Variants in HINFP observed in about 807,000 individuals in gnomAD.
HINFP encodes MBD2 (methyl-CpG-binding protein)-interacting zinc finger protein.
A neutral mutation model predicts 50.1 loss-of-function variants in HINFP; 20 were observed. The ratio of observed to expected loss-of-function variants is 0.40; its 90% CI spans 0.28 to 0.58. The LOEUF is 0.58. HINFP is among the 20% of genes least tolerant of loss of function. The pLI is 0.45. For missense variants in HINFP, 505 were observed against 664.1 expected, an observed-to-expected ratio of 0.76 and a Z score of 2.63; for synonymous variants, 247 against 243.7, an observed-to-expected ratio of 1.01 and a Z score of -0.13.
chr11:119,130,685 G>A (rs1947700987), intron 2 of HINFP, 40 bp from the exon 3 acceptor site: 1 of 1,576,004 alleles, frequency 6.3e-7, no homozygotes, highest in Admixed American at 1.7e-5. Flanking sequence ...CCTGAGCCTT[G>A]GAAAGTGTCA....
At chr11:119,129,490 C>CTTTTCTTTTTTT (rs1555213902) in intron 2 of HINFP, among the ~76,000 whole-genome samples, 2 of 124,190 alleles carry the variant, frequency 1.6e-5, no homozygotes, top group African/African-American at 6.1e-5. Context: ...TTTTTCTTTT[C>CTTTTCTTTTTTT]TTTTTTTTTT....
At position 119,129,490 on chromosome 11, in the gene HINFP, C is replaced by CTTTTT. The variant is rs59395600; in HGVS notation, c.182-1224_182-1220dup. 8.9e-5 allele frequency among the ~76,000 whole-genome samples: 11 copies of CTTTTT among 124,180 alleles called. 1 individual carries two copies. In the South Asian group the frequency reaches 1.4e-3, roughly 16 times the overall value. 81.5% of individuals were successfully genotyped at this position (124,180 alleles called of 152,430 possible). ...TCTGGCAGGAATACATTTTTCTTTT[C>CTTTTT]TTTTTTTTTTTTTTTGTGGGAGTGC... is the stretch of plus-strand genomic sequence containing the variant. On this transcript the variant is annotated intron_variant, in intron 2 of 9. Coordinates refer to ENST00000350777, the MANE Select transcript of HINFP (RefSeq NM_198971.3).
Position 119,131,110 on chromosome 11 carries a change from A to G in HINFP, c.411+156A>G. On this transcript the variant is annotated intron_variant, in intron 3 of 9. Transcript: ENST00000350777. The surrounding 1 kb of genome is among the most constrained non-coding windows in gnomAD (Gnocchi z 4.2). Reference sequence around the variant, plus strand: ...TTTAAAATTTGTTTATTTTTTACACACAGGCTCTTGATCTGAAGCCCAGGC... The same window carrying G: ...TTTAAAATTTGTTTATTTTTTACACGCAGGCTCTTGATCTGAAGCCCAGGC... The G allele has an allele frequency of 1.3e-6, 1 of 742,194 alleles. No homozygotes were observed. Among genetic ancestry groups the G allele is most frequent in the South Asian group, 1.5e-5 (1 of 67,588 alleles). 46.0% of individuals were successfully genotyped at this position (742,194 alleles called of 1,614,324 possible). A position where few individuals can be genotyped will look rare whatever the true frequency, so the allele number is the denominator to read the frequency against.
At chr11:119,124,824 AT>A (rs1225939505) in intron 1 of HINFP, 1 of 151,732 alleles carries the variant, frequency 6.6e-6, no homozygotes. Flanking sequence ...AAATACAAAA[AT>A]TAGCCAGGCG....
chr11:119,133,292 T>C (rs1160285836), intron 9 of HINFP, 73 bp downstream of exon 9: 10 of 1,582,086 alleles, frequency 6.3e-6, no homozygotes, highest in Non-Finnish European at 8.6e-6. Context: ...TTAAAAACCT[T>C]AATTTGGGTC....
rs1947737407 is a variant in HINFP, at chr11:119,131,260, T to C, written c.412-275T>C. 1 of 568,780 alleles carries C rather than the reference T, an allele frequency of 1.8e-6. No individual in the cohort carries two copies. Among genetic ancestry groups the C allele is most frequent in the Non-Finnish European group, 3.2e-6 (1 of 314,212 alleles). 35.2% of individuals were successfully genotyped at this position (568,780 alleles called of 1,614,324 possible). ...TGTACCACCATGCCCTGCTAACTTC[T>C]AAATTTTTTGTAGAGACAAGGTCTG... On this transcript the variant is annotated intron_variant, in intron 3 of 9. Transcript: ENST00000350777. The surrounding 1 kb of genome is among the most constrained non-coding windows in gnomAD (Gnocchi z 4.2).
In HINFP at chr11:119,135,497, G is replaced by T. The variant is rs752556495; in HGVS notation, c.*999G>T. ...GGTCCAGGAACCAAACTAGAAAATT[G>T]TGTGTCTGAATGTGCATTTTCCTGG... On this transcript the variant is annotated 3_prime_UTR_variant, in exon 10 of 10. Coordinates refer to ENST00000350777, the MANE Select transcript of HINFP (RefSeq NM_198971.3). 1.3e-5 allele frequency: 2 copies of T among 152,124 alleles called. No individual in the cohort carries two copies. Among genetic ancestry groups the T allele is most frequent in the Non-Finnish European group, 2.9e-5 (2 of 68,016 alleles). The allele number at this position is 152,124 out of a possible 1,614,324, so 9.4% of individuals were successfully genotyped here. A position where few individuals can be genotyped will look rare whatever the true frequency, so the allele number is the denominator to read the frequency against.
In HINFP at chr11:119,135,664, A is replaced by G. The variant is rs924129677; in HGVS notation, c.*1166A>G. On this transcript the variant is annotated 3_prime_UTR_variant, in exon 10 of 10. Transcript: ENST00000350777. Reference sequence around the variant, plus strand: ...CTGCTATGCTGGAGAGGTCAAGGAAATAGTCTTGGGGACAGGAAGCTGCCC... The same window carrying G: ...CTGCTATGCTGGAGAGGTCAAGGAAGTAGTCTTGGGGACAGGAAGCTGCCC... 4 of 152,196 alleles carry G rather than the reference A, an allele frequency of 2.6e-5. No individual in the cohort carries two copies. The highest frequency in any genetic ancestry group is 7.2e-5 in the African/African-American group (3 of 41,450). The allele number at this position is 152,196 out of a possible 1,614,324, so 9.4% of individuals were successfully genotyped here.
intron 2 of HINFP, among the ~76,000 whole-genome samples, chr11:119,129,333 C>T (rs563629163): frequency 3.3e-5 from 5 of 151,856 alleles, no homozygotes; most frequent in South Asian, 2.1e-4. Context: ...GCCACTGCGC[C>T]CGACCAAAGC....
rs893666500 is a variant in HINFP, at chr11:119,133,699, T to C, written c.1140-385T>C. 2.9e-5 allele frequency: 8 copies of C among 278,236 alleles called. No homozygotes were observed. In the Admixed American group the frequency reaches 3.7e-4, roughly 13 times the overall value. The allele number at this position is 278,236 out of a possible 1,614,324, so 17.2% of individuals were successfully genotyped here. A position where few individuals can be genotyped will look rare whatever the true frequency, so the allele number is the denominator to read the frequency against. On this transcript the variant is annotated intron_variant, in intron 9 of 9. Transcript: ENST00000350777. ...GAGCAAAGCTTATTTTTCTGTTTTT[T>C]GAATCTTGTAAGGCATGGTGCCAAA... is the stretch of plus-strand genomic sequence containing the variant.
chr11:119,122,848 C>T (rs1000141451), intron 1 of HINFP, among the ~76,000 whole-genome samples: 1 of 152,028 alleles, frequency 6.6e-6, no homozygotes, highest in African/African-American at 2.4e-5. Flanking sequence ...GTAGGCCTGT[C>T]GCGGTGGCTC....
chr11:119,130,735 C>A lies in HINFP; in HGVS notation c.192C>A (p.Phe64Leu), dbSNP rs747418701. ...EEEDDPLEEE[F>L]SCLWQECGFC... ...AACCCCTTTCTACAGAGGAAGAATT[C>A]TCCTGCTTGTGGCAGGAATGTGGCT... is the stretch of plus-strand genomic sequence containing the variant. The change falls in exon 3 of 10, where the codon TTC (phenylalanine) becomes TTA (leucine). Residue 64 changes from phenylalanine (F) to leucine (L), a missense_variant. Phe to Leu is a conservative substitution (Grantham distance 22). Transcript: ENST00000350777. 5.6e-6 allele frequency: 9 copies of A among 1,613,952 alleles called. No homozygotes were observed. The highest frequency in any genetic ancestry group is 2.7e-5 in the African/African-American group (2 of 75,052).
At chr11:119,130,217 C>T (rs1489737465) in intron 2 of HINFP, 1 of 152,894 alleles carries the variant, frequency 6.5e-6, no homozygotes, top group Admixed American at 6.5e-5. Context: ...AGTCAGAGGA[C>T]TTGCGTGCCG....
chr11:119,132,579 T>C lies in HINFP; in HGVS notation c.754+6T>C. The C allele has an allele frequency of 1.2e-6, 2 of 1,614,092 alleles. No homozygotes were observed. Among genetic ancestry groups the C allele is most frequent in the African/African-American group, 1.3e-5 (1 of 75,034 alleles). On this transcript the variant is annotated splice_donor_region_variant and intron_variant, in intron 6 of 9. Transcript: ENST00000350777. ...GGACCACATGCGCAACCATGGTGAGTGGCCTGCGGCCCACAGCCTCCCTCC... is the reference window on the plus strand; with the variant it reads ...GGACCACATGCGCAACCATGGTGAGCGGCCTGCGGCCCACAGCCTCCCTCC...
chr11:119,131,726 C>G lies in HINFP; in HGVS notation c.523+80C>G, dbSNP rs974184201. Reference sequence around the variant, plus strand: ...AGCTGGGACAGAAAGGGATAGGGGTCCTACAGGGGCAAGGTTGACTGCCGG... The same window carrying G: ...AGCTGGGACAGAAAGGGATAGGGGTGCTACAGGGGCAAGGTTGACTGCCGG... On this transcript the variant is annotated intron_variant, in intron 4 of 9. Transcript: ENST00000350777. This position sits in a 1 kb window ranked among gnomAD's most constrained non-coding sequence, Gnocchi z 4.2. The G allele has an allele frequency of 3.2e-6, 5 of 1,586,948 alleles. No homozygotes were observed. Among genetic ancestry groups the G allele is most frequent in the Non-Finnish European group, 4.3e-6 (5 of 1,156,502 alleles).
chr11:119,123,042 C>T (rs1244221004), intron 1 of HINFP, among the ~76,000 whole-genome samples: 2 of 143,700 alleles, frequency 1.4e-5, no homozygotes, highest in African/African-American at 5.1e-5. Flanking sequence ...TCACGAGAAT[C>T]GCTTGAACCT....
rs1302605197 is a variant in HINFP at position 119,131,331 on chromosome 11, C to T, written c.412-204C>T. 2 of 597,466 alleles carry T rather than the reference C, an allele frequency of 3.3e-6. No homozygotes were observed. Among genetic ancestry groups the T allele is most frequent in the East Asian group, 3.0e-5 (1 of 33,866 alleles). 37.0% of individuals were successfully genotyped at this position (597,466 alleles called of 1,614,324 possible). A position where few individuals can be genotyped will look rare whatever the true frequency, so the allele number is the denominator to read the frequency against. ...CTCGAACTCTTGGCCTCAAGTGATTCTCCTGCCTCAGCCTCTCAAAGTGCT... is the reference window on the plus strand; with the variant it reads ...CTCGAACTCTTGGCCTCAAGTGATTTTCCTGCCTCAGCCTCTCAAAGTGCT... On this transcript the variant is annotated intron_variant, in intron 3 of 9. Coordinates refer to ENST00000350777, the MANE Select transcript of HINFP (RefSeq NM_198971.3). The surrounding 1 kb of genome is among the most constrained non-coding windows in gnomAD (Gnocchi z 4.2).
chr11:119,130,704 C>T, intron 2 of HINFP, 21 bp from the exon 3 acceptor site: 2 of 1,609,430 alleles, frequency 1.2e-6, no homozygotes, highest in South Asian at 1.1e-5. Flanking sequence ...CAGACTCTTC[C>T]TTTTAAACCC....
chr11:119,133,832 C>T (rs973172625), intron 9 of HINFP: 7 of 585,958 alleles, frequency 1.2e-5, no homozygotes, highest in Non-Finnish European at 2.1e-5. Flanking sequence ...CACTTTCACC[C>T]TCCAACACAG....
Sources: gnomAD v4.1 joint callset for allele counts (sites outside exome capture counted in the v4.1 genomes callset) on GRCh38, gnomAD v4.1.1 for gene constraint, Gnocchi (gnomAD v3.1) non-coding constraint, MANE v1.5 for transcripts, NCBI Gene and HGNC (gene_info 2026-07-23, HGNC 2026-07-21) for gene names.